SHROOM3: variants seen among roughly 807,000 people sequenced by gnomAD.
SHROOM3 encodes shroom family member 3.
In SHROOM3, 47 loss-of-function variants were observed where a neutral mutation model predicts 138.6. The observed-to-expected ratio is 0.34, with a 90% CI of 0.27 to 0.43. The LOEUF (loss-of-function observed/expected upper bound fraction) is 0.43, where lower values mean the gene tolerates loss of function less well. SHROOM3 is among the 20% of genes least tolerant of loss of function. The pLI is 1.00. For missense variants in SHROOM3, 2,491 were observed against 2,596.5 expected (o/e 0.96, Z 0.88); for synonymous variants, 1,062 against 1,063.3 (o/e 1.00, Z 0.02).
At chr4:76,672,113 A>G (rs1405178323) in intron 2 of SHROOM3, among the ~76,000 whole-genome samples, 1 of 152,172 alleles carries the variant, frequency 6.6e-6, no homozygotes, top group Non-Finnish European at 1.5e-5. Flanking sequence ...TTTATATACA[A>G]TTTCCATGAA....
intron 1 of SHROOM3, among the ~76,000 whole-genome samples, chr4:76,545,459 T>G (rs1733194599): frequency 6.6e-6 from 1 of 152,204 alleles, no homozygotes; most frequent in East Asian, 1.9e-4. Flanking sequence ...CTCTGGGACC[T>G]CTCTCTGAAA....
intron 2 of SHROOM3, chr4:76,586,505 A>C (rs1734158255): frequency 2.0e-6 from 2 of 977,362 alleles, no homozygotes; most frequent in Non-Finnish European, 2.4e-6. Context: ...TCTCGATGAC[A>C]TTATTTCTCC....
intron 2 of SHROOM3, among the ~76,000 whole-genome samples, chr4:76,560,346 GA>G (rs1232780408): frequency 6.6e-6 from 1 of 152,122 alleles, no homozygotes; most frequent in Admixed American, 6.5e-5. Context: ...TAAAAAATAG[GA>G]AGCTATATTT....
chr4:76,547,676 T>A (rs1376090615), intron 1 of SHROOM3, among the ~76,000 whole-genome samples: 1 of 152,172 alleles, frequency 6.6e-6, no homozygotes, highest in Non-Finnish European at 1.5e-5. Flanking sequence ...ATGCCTGTAA[T>A]CCTTGCACTT....
chr4:76,499,858 C>G (rs751916774), intron 1 of SHROOM3, among the ~76,000 whole-genome samples: 8 of 152,182 alleles, frequency 5.3e-5, no homozygotes, highest in Non-Finnish European at 7.4e-5. Flanking sequence ...TTAGATTTAA[C>G]CAACTCCTCT....
At chr4:76,499,778 G>A (rs78032175) in intron 1 of SHROOM3, among the ~76,000 whole-genome samples, 1 of 152,268 alleles carries the variant, frequency 6.6e-6, no homozygotes, top group East Asian at 1.9e-4. Flanking sequence ...GTTTTTAGAA[G>A]GGTCTAGAAA....
chr4:76,499,070 A>G (rs899687375), intron 1 of SHROOM3, among the ~76,000 whole-genome samples: 1 of 152,228 alleles, frequency 6.6e-6, no homozygotes, highest in East Asian at 1.9e-4. Flanking sequence ...AAAGCCATCT[A>G]AGAGAGCATC....
At chr4:76,659,315 C>A (rs1736133800) in intron 2 of SHROOM3, among the ~76,000 whole-genome samples, 3 of 152,222 alleles carry the variant, frequency 2.0e-5, no homozygotes, top group African/African-American at 7.2e-5. Flanking sequence ...CAACAGCAGA[C>A]CCCAGGCACC....
intron 3 of SHROOM3, among the ~76,000 whole-genome samples, chr4:76,711,364 C>T (rs1232441632): frequency 6.6e-6 from 1 of 152,208 alleles, no homozygotes; most frequent in Non-Finnish European, 1.5e-5. Flanking sequence ...ATGAGTGCAA[C>T]AAATGTTATC....
At chr4:76,765,747 A>G (rs1373231040) in intron 9 of SHROOM3, among the ~76,000 whole-genome samples, 1 of 152,168 alleles carries the variant, frequency 6.6e-6, no homozygotes, top group African/African-American at 2.4e-5. Flanking sequence ...CTGCACAAAA[A>G]ATATAATTAG....
intron 2 of SHROOM3, among the ~76,000 whole-genome samples, chr4:76,626,252 A>AT (rs549840602): frequency 6.6e-5 from 10 of 152,066 alleles, no homozygotes; most frequent in African/African-American, 1.2e-4. Context: ...TGATAGTGGG[A>AT]TTTTTTTTAT....
chr4:76,541,937 G>GGA (rs1373353483), intron 1 of SHROOM3, among the ~76,000 whole-genome samples: 2 of 152,128 alleles, frequency 1.3e-5, no homozygotes, highest in Non-Finnish European at 2.9e-5. Flanking sequence ...ATCAAGGATA[G>GGA]GAGTCCTCTA....
intron 2 of SHROOM3, among the ~76,000 whole-genome samples, chr4:76,593,720 C>T (rs981110508): frequency 1.3e-5 from 2 of 152,080 alleles, no homozygotes; most frequent in Admixed American, 1.3e-4. Flanking sequence ...TATTAAAAAC[C>T]AAATTCTTCA....
intron 2 of SHROOM3, among the ~76,000 whole-genome samples, chr4:76,657,286 G>A (rs377178490): frequency 7.2e-5 from 11 of 152,172 alleles, no homozygotes; most frequent in East Asian, 3.9e-4. Flanking sequence ...ATGTAAGGCC[G>A]TTGATAGATG....
At chr4:76,535,492 T>G (rs945639863) in intron 1 of SHROOM3, among the ~76,000 whole-genome samples, 1 of 152,216 alleles carries the variant, frequency 6.6e-6, no homozygotes, top group Admixed American at 6.5e-5. Flanking sequence ...CAATCCCAAC[T>G]GGAAGTTATG....
chr4:76,719,868 G>A (rs1720483035), intron 3 of SHROOM3, among the ~76,000 whole-genome samples: 1 of 152,158 alleles, frequency 6.6e-6, no homozygotes, highest in Non-Finnish European at 1.5e-5. Flanking sequence ...AGTAGGATAC[G>A]AGAAAAGGGG....
At chr4:76,726,541 TAAAAAAAA>T (rs61455146) in intron 3 of SHROOM3, among the ~76,000 whole-genome samples, 1 of 90,836 alleles carries the variant, frequency 1.1e-5, no homozygotes, top group Non-Finnish European at 2.0e-5. Context: ...CCCCTCCATC[TAAAAAAAA>T]AAAAAAAAAA....
intron 2 of SHROOM3, 154 bp from the exon 3 acceptor site, chr4:76,710,001 TG>T (rs1212814420): frequency 1.2e-6 from 1 of 858,144 alleles, no homozygotes; most frequent in African/African-American, 1.7e-5. Flanking sequence ...CAGAGAACTT[TG>T]TTAGGTGCAG....
chr4:76,628,322 C>T (rs764637899), intron 2 of SHROOM3, among the ~76,000 whole-genome samples: 3 of 152,002 alleles, frequency 2.0e-5, no homozygotes, highest in Non-Finnish European at 4.4e-5. Context: ...CCTTGGTTCA[C>T]TGGGGAAATA....
Sources: gnomAD v4.1 joint callset for allele counts (sites outside exome capture counted in the v4.1 genomes callset) on GRCh38, gnomAD v4.1.1 for gene constraint, MANE v1.5 for transcripts, NCBI Gene and HGNC (gene_info 2026-07-23, HGNC 2026-07-21) for gene names.